ANKRD40: variants seen among roughly 807,000 people sequenced by gnomAD.
ANKRD40 encodes ankyrin repeat domain 40.
Under a neutral mutation model 35.5 loss-of-function variants are expected in ANKRD40, and 24 were observed. The ratio of observed to expected loss-of-function variants is 0.68; its 90% CI spans 0.49 to 0.95. The LOEUF is 0.95. Among genes scored for constraint, ANKRD40 ranks in the 40% least tolerant of loss-of-function variants. The probability of loss-of-function intolerance (pLI) is 0.00; values close to 1 mark genes in which losing one functional copy is unlikely to be tolerated. For synonymous variants in ANKRD40, 147 were observed against 173.5 expected, an observed-to-expected ratio of 0.85 and a Z score of 1.20; for missense variants, 361 against 436.0, an observed-to-expected ratio of 0.83 and a Z score of 1.53.
At chr17:50,702,792 T>G (rs1181688824) in intron 1 of ANKRD40, among the ~76,000 whole-genome samples, 2 of 152,142 alleles carry the variant, frequency 1.3e-5, no homozygotes, top group Non-Finnish European at 2.9e-5. Flanking sequence ...GCCCTGTGCC[T>G]TAGTGATCAT....
intron 2 of ANKRD40, 77 bp from the exon 3 acceptor site, chr17:50,699,970 C>A (rs1968250768): frequency 6.6e-6 from 9 of 1,372,620 alleles, no homozygotes; most frequent in South Asian, 1.9e-5. Context: ...AAAGTGGTGT[C>A]TTTTGGTATG....
At chr17:50,706,146 G>C (rs2146661048) in intron 1 of ANKRD40, among the ~76,000 whole-genome samples, 1 of 147,782 alleles carries the variant, frequency 6.8e-6, no homozygotes, top group African/African-American at 2.5e-5. Flanking sequence ...TTTTGAGGTA[G>C]AGTCTTGCTC....
chr17:50,697,547 T>C (rs1413152459), intron 3 of ANKRD40, among the ~76,000 whole-genome samples: 1 of 152,072 alleles, frequency 6.6e-6, no homozygotes, highest in African/African-American at 2.4e-5. Context: ...ATTTAACAAT[T>C]ATGGACCTAA....
chr17:50,699,304 TAA>T, intron 3 of ANKRD40, 93 bp downstream of exon 3: 3 of 1,476,816 alleles, frequency 2.0e-6, no homozygotes, highest in Non-Finnish European at 1.8e-6. Context: ...AACGTTTCTG[TAA>T]GTTTGCAATT....
intron 3 of ANKRD40, 117 bp downstream of exon 3, chr17:50,699,282 T>C (rs890139590): frequency 2.6e-5 from 35 of 1,365,952 alleles, no homozygotes; most frequent in Non-Finnish European, 3.1e-5. Flanking sequence ...GAGTTCCTTA[T>C]GTTAGTCATG....
intron 2 of ANKRD40, 118 bp downstream of exon 2, chr17:50,700,445 GAAAAA>G: frequency 6.3e-6 from 5 of 798,614 alleles, no homozygotes; most frequent in Admixed American, 3.5e-5. Context: ...CTCCGTCTCG[GAAAAA>G]AAAAAAAAAA....
intron 1 of ANKRD40, among the ~76,000 whole-genome samples, chr17:50,706,069 G>T (rs1309946986): frequency 2.0e-5 from 3 of 151,620 alleles, no homozygotes; most frequent in African/African-American, 7.3e-5. Flanking sequence ...TCTCTCCATT[G>T]TCCCTTTCAG....
chr17:50,699,328 A>G lies in ANKRD40; in HGVS notation c.778+71T>C, dbSNP rs1597867249. On this transcript the variant is annotated intron_variant, in intron 3 of 4. Coordinates refer to ENST00000285243, the MANE Select transcript of ANKRD40 (RefSeq NM_052855.4). ...GTAAGTTTGCAATTATACCCAGAAT[A>G]CCTCATTAAATCCCACCCCTCTGGA... 4 of 1,544,316 alleles carry G rather than the reference A, an allele frequency of 2.6e-6. No homozygotes were observed. The East Asian group carries it at 9.0e-5, about 35-fold the overall frequency.
At chr17:50,702,811 G>A (rs973502669) in intron 1 of ANKRD40, among the ~76,000 whole-genome samples, 8 of 152,108 alleles carry the variant, frequency 5.3e-5, no homozygotes, top group South Asian at 2.1e-4. Context: ...ATCATTTACC[G>A]TCCAGAGCTG....
At chr17:50,696,756 CAAAA>C in intron 4 of ANKRD40, 180 bp downstream of exon 4, 28 of 325,556 alleles carry the variant, frequency 8.6e-5, no homozygotes, top group East Asian at 2.9e-4. Flanking sequence ...CTTGACTTGC[CAAAA>C]AAAAAAAAAA....
At chr17:50,704,322 T>C (rs1968303838) in intron 1 of ANKRD40, among the ~76,000 whole-genome samples, 1 of 151,822 alleles carries the variant, frequency 6.6e-6, no homozygotes, top group Non-Finnish European at 1.5e-5. Context: ...CGAGACCAGC[T>C]TGGCTAACAT....
Position 50,707,236 on chromosome 17 carries a change from C to G in ANKRD40, c.134+285G>C, listed in dbSNP as rs573072419. 6.6e-6 allele frequency among the ~76,000 whole-genome samples: 1 copy of G among 152,322 alleles called. No individual in the cohort carries two copies. Among genetic ancestry groups the G allele is most frequent in the East Asian group, 1.9e-4 (1 of 5,176 alleles). ...CTGAGAATCACTGCCTCCAGCACCG[C>G]TCTGACCAAGTGAGCCGGGAGCGCG... is the stretch of plus-strand genomic sequence containing the variant. On this transcript the variant is annotated intron_variant, in intron 1 of 4. Coordinates refer to ENST00000285243, the MANE Select transcript of ANKRD40 (RefSeq NM_052855.4). The surrounding 1 kb of genome is among the most constrained non-coding windows in gnomAD (Gnocchi z 4.8).
chr17:50,702,853 C>T (rs141257964), intron 1 of ANKRD40, among the ~76,000 whole-genome samples: 83 of 152,272 alleles, frequency 5.5e-4, no homozygotes, highest in Middle Eastern at 3.4e-3. Context: ...CTCAGAGCCC[C>T]TGCAGCCAGG....
In ANKRD40 at chr17:50,707,802, C is replaced by T. The variant is rs1968360832; in HGVS notation, c.-148G>A. 2.4e-6 allele frequency: 1 copy of T among 423,870 alleles called. No homozygotes were observed. The highest frequency in any genetic ancestry group is 1.4e-4 in the East Asian group (1 of 7,152). The allele number at this position is 423,870 out of a possible 1,614,324, so 26.3% of individuals were successfully genotyped here. On this transcript the variant is annotated 5_prime_UTR_variant, in exon 1 of 5. Coordinates refer to ENST00000285243, the MANE Select transcript of ANKRD40 (RefSeq NM_052855.4). This position sits in a 1 kb window ranked among gnomAD's most constrained non-coding sequence, Gnocchi z 4.8. Reference sequence around the variant, plus strand: ...CCCTGCTCGCGCCGCTGCCCGCGCCCGCCCCGGGACTTCCGCTCCCTCCCG... The same window carrying T: ...CCCTGCTCGCGCCGCTGCCCGCGCCTGCCCCGGGACTTCCGCTCCCTCCCG...
chr17:50,705,447 G>A (rs1232353819), intron 1 of ANKRD40, among the ~76,000 whole-genome samples: 2 of 150,168 alleles, frequency 1.3e-5, no homozygotes, highest in Non-Finnish European at 3.0e-5. Flanking sequence ...AGAACAAAAA[G>A]GTAGTATCCA....
chr17:50,696,000 G>A lies in ANKRD40; in HGVS notation c.1104C>T (p.Tyr368=), dbSNP rs1241963717. 1 of 1,614,124 alleles carries A rather than the reference G, an allele frequency of 6.2e-7. No individual in the cohort carries two copies. The highest frequency in any genetic ancestry group is 2.2e-5 in the East Asian group (1 of 44,894). ...CYNRRASKLT[Y] ...AGTGATAAAAGTCCCTGCTGCATTA[G>A]TAAGTCAGTTTTGAAGCTCTCCTGT... Residue 368 remains tyrosine (Y), a synonymous_variant, in exon 5 of 5, where the codon TAC becomes TAT. Transcript: ENST00000285243.
intron 2 of ANKRD40, chr17:50,700,206 G>A: frequency 3.7e-6 from 1 of 271,042 alleles, no homozygotes; most frequent in Non-Finnish European, 6.9e-6. Flanking sequence ...CACTTTGGGA[G>A]GCTGAGGCTG....
intron 1 of ANKRD40, among the ~76,000 whole-genome samples, chr17:50,702,402 A>AG (rs1968282586): frequency 6.6e-6 from 1 of 151,704 alleles, no homozygotes; most frequent in Non-Finnish European, 1.5e-5. Flanking sequence ...TCCATCTCAA[A>AG]AAAAAAAAAA....
chr17:50,693,290 G>A lies in ANKRD40; in HGVS notation c.*2707C>T, dbSNP rs1480874998. 1 of 152,166 alleles carries A rather than the reference G, an allele frequency of 6.6e-6. No individual in the cohort carries two copies. The highest frequency in any genetic ancestry group is 2.4e-5 in the African/African-American group (1 of 41,432). 9.4% of individuals were successfully genotyped at this position (152,166 alleles called of 1,614,324 possible). A position where few individuals can be genotyped will look rare whatever the true frequency, so the allele number is the denominator to read the frequency against. On this transcript the variant is annotated 3_prime_UTR_variant, in exon 5 of 5. Transcript: ENST00000285243. ...TCTTCAGTGAATGTTTACACACAGT[G>A]TGAACACATGCTTTAAATATGCAGT...
Sources: gnomAD v4.1 joint callset for allele counts (sites outside exome capture counted in the v4.1 genomes callset) on GRCh38, gnomAD v4.1.1 for gene constraint, Gnocchi (gnomAD v3.1) non-coding constraint, MANE v1.5 for transcripts, NCBI Gene and HGNC (gene_info 2026-07-23, HGNC 2026-07-21) for gene names.